GBE1: variants seen among roughly 807,000 people sequenced by gnomAD.
The protein encoded by GBE1 is 1,4-alpha-glucan branching enzyme 1, also known as 1,4-alpha-glucan-branching enzyme.
A neutral mutation model predicts 88.8 loss-of-function variants in GBE1; 70 were observed. The ratio of observed to expected loss-of-function variants is 0.79; its 90% CI spans 0.65 to 0.96. The LOEUF is 0.96. Ranked by LOEUF, GBE1 falls within the 40% of genes least tolerant of loss-of-function variation. The pLI is 0.00. For missense variants in GBE1, 872 were observed against 871.0 expected (o/e 1.00, Z -0.01); for synonymous variants, 284 against 300.1 (o/e 0.95, Z 0.56).
At chr3:81,657,521 A>C in intron 3 of GBE1, among the ~76,000 whole-genome samples, 1 of 152,288 alleles carries the variant, frequency 6.6e-6, no homozygotes, top group South Asian at 2.1e-4. Flanking sequence ...AATTAAAATA[A>C]AGAGATCACT....
chr3:81,750,644 T>TGTATATATATACGTATATATATATATAC (rs1706508346), intron 1 of GBE1, among the ~76,000 whole-genome samples: 4 of 50,916 alleles, frequency 7.9e-5, no homozygotes, highest in Non-Finnish European at 1.2e-4. Context: ...TATATATATA[T>TGTATATATATACGTATATATATATATAC]GTATATATAT....
chr3:81,509,704 T>C (rs750355858), intron 14 of GBE1: 1 of 151,966 alleles, frequency 6.6e-6, no homozygotes, highest in African/African-American at 2.4e-5. Flanking sequence ...TTGCTAAACT[T>C]TGAGAAATAA....
At chr3:81,523,450 G>A (rs186180074) in intron 14 of GBE1, among the ~76,000 whole-genome samples, 2 of 151,696 alleles carry the variant, frequency 1.3e-5, no homozygotes, top group African/African-American at 4.8e-5. Flanking sequence ...AGGGTAAATA[G>A]AGTATCCATC....
At chr3:81,535,473 G>T in intron 13 of GBE1, 148 bp from the exon 14 acceptor site, 1 of 801,964 alleles carries the variant, frequency 1.2e-6, no homozygotes, top group Non-Finnish European at 1.9e-6. Context: ...TTACAATTTT[G>T]CTGTACCTAA....
chr3:81,685,515 G>A (rs933939792), intron 2 of GBE1, among the ~76,000 whole-genome samples: 5 of 151,998 alleles, frequency 3.3e-5, no homozygotes, highest in East Asian at 3.9e-4. Context: ...CCAAGCAGCC[G>A]GGATTACAAG....
intron 12 of GBE1, among the ~76,000 whole-genome samples, chr3:81,547,662 TCTCTC>T (rs1703225564): frequency 1.4e-5 from 2 of 140,450 alleles, no homozygotes; most frequent in African/African-American, 5.2e-5. Flanking sequence ...TCTCTCTCTC[TCTCTC>T]TTTCTCCCTC....
chr3:81,646,269 G>A, intron 6 of GBE1, 123 bp downstream of exon 6: 1 of 657,500 alleles, frequency 1.5e-6, no homozygotes, highest in Non-Finnish European at 2.7e-6. Flanking sequence ...AAAATGTTCA[G>A]CTTCTATTAA....
In GBE1 at chr3:81,586,043, A is replaced by C. The variant is rs375704272; in HGVS notation, c.1335+49T>G. On this transcript the variant is annotated intron_variant, in intron 10 of 15. Coordinates refer to ENST00000429644, the MANE Select transcript of GBE1 (RefSeq NM_000158.4). The stretch of plus-strand genomic sequence containing the variant: ...CTAAGAAATAAATTAAAGATAAATG[A>C]AGCAACACAGTATTCACAGAAACAA... 1.6e-5 allele frequency: 16 copies of C among 986,616 alleles called. No homozygotes were observed. In the African/African-American group the frequency reaches 2.7e-4, roughly 16 times the overall value. The allele number at this position is 986,616 out of a possible 1,614,324, so 61.1% of individuals were successfully genotyped here.
chr3:81,687,254 T>C (rs1248335080), intron 2 of GBE1, among the ~76,000 whole-genome samples: 2 of 152,080 alleles, frequency 1.3e-5, no homozygotes, highest in East Asian at 1.9e-4. Flanking sequence ...AACAACTTTA[T>C]ATGCAGAGGG....
intron 3 of GBE1, among the ~76,000 whole-genome samples, chr3:81,655,792 T>A (rs571697963): frequency 6.6e-6 from 1 of 152,276 alleles, no homozygotes; most frequent in South Asian, 2.1e-4. Context: ...AGTGCTGGGA[T>A]TACAGGGCTG....
At chr3:81,533,350 T>G (rs907317237) in intron 14 of GBE1, among the ~76,000 whole-genome samples, 1 of 152,080 alleles carries the variant, frequency 6.6e-6, no homozygotes, top group African/African-American at 2.4e-5. Flanking sequence ...CATTGATTTA[T>G]CTGTAGGCAT....
chr3:81,590,530 T>C (rs542360456), intron 9 of GBE1, among the ~76,000 whole-genome samples: 2 of 152,200 alleles, frequency 1.3e-5, no homozygotes, highest in East Asian at 3.9e-4. Context: ...GGACAGTTAA[T>C]CATGAACCTT....
At chr3:81,594,460 CT>C (rs1703927019) in intron 7 of GBE1, among the ~76,000 whole-genome samples, 3 of 151,938 alleles carry the variant, frequency 2.0e-5, no homozygotes, top group Admixed American at 2.0e-4. Context: ...GATTTTTCTC[CT>C]TTCAGAAAAT....
At chr3:81,516,702 G>C (rs1281180671) in intron 14 of GBE1, among the ~76,000 whole-genome samples, 1 of 151,462 alleles carries the variant, frequency 6.6e-6, no homozygotes, top group Non-Finnish European at 1.5e-5. Flanking sequence ...GAACATTTGT[G>C]ATTCATGGGA....
At chr3:81,633,102 C>T (rs1435320349) in intron 7 of GBE1, among the ~76,000 whole-genome samples, 1 of 152,108 alleles carries the variant, frequency 6.6e-6, no homozygotes, top group Non-Finnish European at 1.5e-5. Context: ...TATCCATAAA[C>T]ATTATGGCAC....
chr3:81,605,598 A>C (rs992379693), intron 7 of GBE1, among the ~76,000 whole-genome samples: 1 of 152,238 alleles, frequency 6.6e-6, no homozygotes, highest in Admixed American at 6.6e-5. Context: ...TACTAAATAA[A>C]TGGCAGGCCT....
At chr3:81,587,104 G>C (rs1703813733) in intron 9 of GBE1, among the ~76,000 whole-genome samples, 1 of 152,072 alleles carries the variant, frequency 6.6e-6, no homozygotes, top group Non-Finnish European at 1.5e-5. Context: ...ACCCAGTCGA[G>C]AGAGAGGATT....
At position 81,492,713 on chromosome 3, in the gene GBE1, C is replaced by CCT. The variant is rs1559622753; in HGVS notation, c.2053-2251_2053-2250insAG. Among the ~76,000 whole-genome samples the CCT allele has an allele frequency of 8.5e-3, 988 of 115,846 alleles. 8 individuals carry two copies. Among genetic ancestry groups the CCT allele is most frequent in the Middle Eastern group, 0.039 (9 of 228 alleles). 76.0% of individuals were successfully genotyped at this position (115,846 alleles called of 152,430 possible). On this transcript the variant is annotated intron_variant, in intron 15 of 15. Coordinates refer to ENST00000429644, the MANE Select transcript of GBE1 (RefSeq NM_000158.4). ...CTCCCTTTCTCCCTTTCTTCCTTTC[C>CCT]TTCCTTCCTTCCTTCCTTCCTTTTC...
intron 7 of GBE1, among the ~76,000 whole-genome samples, chr3:81,637,448 A>G (rs1316547176): frequency 6.6e-6 from 1 of 152,188 alleles, no homozygotes; most frequent in Non-Finnish European, 1.5e-5. Flanking sequence ...TTTTAAGTCT[A>G]TCTCTCCAAA....
Sources: allele counts gnomAD v4.1 joint callset (sites outside exome capture counted in the v4.1 genomes callset), GRCh38; gene constraint gnomAD v4.1.1; transcripts MANE v1.5; gene names NCBI Gene and HGNC (gene_info 2026-07-23, HGNC 2026-07-21).